RASEF: variants seen among roughly 807,000 people sequenced by gnomAD.
RASEF encodes ras and EF-hand domain-containing protein.
A neutral mutation model predicts 90.1 loss-of-function variants in RASEF; 68 were observed. The ratio of observed to expected loss-of-function variants is 0.75; its 90% CI spans 0.62 to 0.92. RASEF has a LOEUF of 0.92. RASEF is among the 40% of genes least tolerant of loss of function. RASEF has a pLI of 0.00. For synonymous variants in RASEF, 331 were observed against 345.2 expected (o/e 0.96, Z 0.46); for missense variants, 949 against 937.2 (o/e 1.01, Z -0.16).
the RASEF span, among the ~76,000 whole-genome samples, chr9:83,154,337 T>G: frequency 6.6e-6 from 1 of 152,226 alleles, no homozygotes; most frequent in African/African-American, 2.4e-5. Flanking sequence ...TTGCTTTATC[T>G]ATTTGACCGT....
chr9:83,115,045 C>G, the RASEF span, among the ~76,000 whole-genome samples: 1 of 152,054 alleles, frequency 6.6e-6, no homozygotes, highest in Non-Finnish European at 1.5e-5. Flanking sequence ...GATGTCTCCC[C>G]CAGACACCCA....
At chr9:83,195,829 T>C in the RASEF span, among the ~76,000 whole-genome samples, 1 of 152,060 alleles carries the variant, frequency 6.6e-6, no homozygotes, top group African/African-American at 2.4e-5. Flanking sequence ...AGAGGAATAA[T>C]ATATTTCTTC....
chr9:83,043,398 G>GGC (rs1554709864), intron 1 of RASEF, among the ~76,000 whole-genome samples: 1 of 82,490 alleles, frequency 1.2e-5, no homozygotes, highest in African/African-American at 5.2e-5. Context: ...TGCAGTGATT[G>GGC]GGGGGGGGGA....
At chr9:83,132,167 T>C in the RASEF span, among the ~76,000 whole-genome samples, 1 of 152,174 alleles carries the variant, frequency 6.6e-6, no homozygotes, top group Non-Finnish European at 1.5e-5. Flanking sequence ...CAGCACTGCA[T>C]AACTTCCAAG....
At chr9:83,135,346 G>A in the RASEF span, among the ~76,000 whole-genome samples, 2 of 152,010 alleles carry the variant, frequency 1.3e-5, no homozygotes, top group Non-Finnish European at 2.9e-5. Flanking sequence ...GGGGCCTGTC[G>A]TGGGGTGGGG....
rs746674700 is a variant in RASEF, at chr9:83,044,761, C to T, written c.431+17676G>A. Among the ~76,000 whole-genome samples, 17 of 152,178 alleles carry T rather than the reference C, an allele frequency of 1.1e-4. 1 individual carries two copies. Among genetic ancestry groups the T allele is most frequent in the Non-Finnish European group, 2.2e-4 (15 of 68,036 alleles). ...TATTTATGTCAACTTGTCTAGGCCA[C>T]GGTAGCCAGATATTTGCTTAAACAT... On this transcript the variant is annotated intron_variant, in intron 1 of 16. Coordinates refer to ENST00000376447, the MANE Select transcript of RASEF (RefSeq NM_152573.4).
intron 1 of RASEF, among the ~76,000 whole-genome samples, chr9:83,053,914 G>A (rs1388778828): frequency 1.8e-5 from 1 of 56,932 alleles, no homozygotes; most frequent in Non-Finnish European, 3.1e-5. Context: ...CGAGAGATCC[G>A]CTGTTAGTCT....
At chr9:83,186,311 A>C in the RASEF span, among the ~76,000 whole-genome samples, 1 of 152,198 alleles carries the variant, frequency 6.6e-6, no homozygotes. Context: ...TCCTTCACTC[A>C]TCACCCAGTC....
At chr9:83,023,230 C>G (rs1829475613) in intron 2 of RASEF, among the ~76,000 whole-genome samples, 1 of 152,034 alleles carries the variant, frequency 6.6e-6, no homozygotes, top group South Asian at 2.1e-4. Context: ...CTTATTTGTC[C>G]CCTAAAGTTC....
chr9:83,114,006 G>T, the RASEF span, among the ~76,000 whole-genome samples: 2 of 151,972 alleles, frequency 1.3e-5, no homozygotes, highest in Non-Finnish European at 2.9e-5. Flanking sequence ...ACCAATACAT[G>T]ACATCACCCC....
At chr9:83,066,788 A>G (rs1188366644), upstream of RASEF, among the ~76,000 whole-genome samples, 1 of 152,222 alleles carries the variant, frequency 6.6e-6, no homozygotes, top group East Asian at 1.9e-4. Context: ...AAAGAATCCT[A>G]TTATATTCCT....
At chr9:83,128,535 T>C in the RASEF span, among the ~76,000 whole-genome samples, 2 of 148,054 alleles carry the variant, frequency 1.4e-5, no homozygotes, top group Non-Finnish European at 3.0e-5. Context: ...ATAAAAACCC[T>C]GGACCCAGAC....
the RASEF span, among the ~76,000 whole-genome samples, chr9:83,072,789 G>A: frequency 6.6e-6 from 1 of 152,140 alleles, no homozygotes; most frequent in Non-Finnish European, 1.5e-5. Context: ...CAGATTGAGG[G>A]TGGGTCTGCC....
the RASEF span, among the ~76,000 whole-genome samples, chr9:83,191,227 G>A: frequency 6.6e-6 from 1 of 152,166 alleles, no homozygotes; most frequent in Non-Finnish European, 1.5e-5. Context: ...GGGAAGCTGT[G>A]ACAAGTCTGC....
chr9:83,057,713 C>A (rs1165955658), intron 1 of RASEF, among the ~76,000 whole-genome samples: 1 of 151,992 alleles, frequency 6.6e-6, no homozygotes, highest in African/African-American at 2.4e-5. Flanking sequence ...TGTAGCCCAC[C>A]ACCATGTTGC....
At chr9:83,089,945 G>GATATAGAT in the RASEF span, among the ~76,000 whole-genome samples, 59 of 138,882 alleles carry the variant, frequency 4.2e-4, no homozygotes, top group African/African-American at 1.5e-3. Context: ...TAGATAGATA[G>GATATAGAT]ATATAGATAT....
intron 7 of RASEF, among the ~76,000 whole-genome samples, chr9:83,005,777 G>A (rs1387544420): frequency 3.9e-5 from 6 of 152,162 alleles, no homozygotes; most frequent in South Asian, 2.1e-4. Context: ...AGGTAGCCCC[G>A]CTGATTGAAC....
At chr9:83,033,455 G>A (rs1221374120) in intron 1 of RASEF, among the ~76,000 whole-genome samples, 1 of 152,186 alleles carries the variant, frequency 6.6e-6, no homozygotes, top group African/African-American at 2.4e-5. Flanking sequence ...GCAATAGGGG[G>A]TGGTCTCTTA....
At chr9:83,012,648 T>C (rs1482990672) in intron 4 of RASEF, 137 bp from the exon 5 acceptor site, 4 of 447,176 alleles carry the variant, frequency 8.9e-6, no homozygotes, top group East Asian at 3.6e-5. Flanking sequence ...TCATAAATCA[T>C]TAAACTACAT....
Sources: allele counts gnomAD v4.1 joint callset (sites outside exome capture counted in the v4.1 genomes callset), GRCh38; gene constraint gnomAD v4.1.1; transcripts MANE v1.5; gene names NCBI Gene and HGNC (gene_info 2026-07-23, HGNC 2026-07-21).